Variants in NR3C2 observed in about 807,000 individuals in gnomAD.
The protein encoded by NR3C2 is nuclear receptor subfamily 3 group C member 2.
In NR3C2, 15 loss-of-function variants were observed where a neutral mutation model predicts 86.4. The observed-to-expected ratio is 0.17, with a 90% CI of 0.12 to 0.27. The LOEUF is 0.27. Among genes scored for constraint, NR3C2 ranks in the 10% least tolerant of loss-of-function variants. The pLI is 1.00. For synonymous variants in NR3C2, 458 were observed against 450.5 expected (o/e 1.02, Z -0.21); for missense variants, 960 against 1,195.6 (o/e 0.80, Z 2.91).
intron 2 of NR3C2, among the ~76,000 whole-genome samples, chr4:148,326,875 C>A (rs939930677): frequency 6.6e-6 from 1 of 152,066 alleles, no homozygotes; most frequent in Non-Finnish European, 1.5e-5. Context: ...AAAAATTAAT[C>A]TGCTGTGTAA....
intron 2 of NR3C2, among the ~76,000 whole-genome samples, chr4:148,417,839 T>C (rs770474415): frequency 1.6e-4 from 24 of 152,210 alleles, no homozygotes; most frequent in Non-Finnish European, 3.1e-4. Flanking sequence ...AGATACTATA[T>C]ATTTTGCAAT....
chr4:148,313,672 T>C (rs1450875882), intron 2 of NR3C2, among the ~76,000 whole-genome samples: 1 of 152,182 alleles, frequency 6.6e-6, no homozygotes, highest in African/African-American at 2.4e-5. Flanking sequence ...CTCCATTAAC[T>C]GCTGAATTCT....
chr4:148,201,286 G>A (rs1736707820), intron 3 of NR3C2, among the ~76,000 whole-genome samples: 2 of 152,282 alleles, frequency 1.3e-5, no homozygotes, highest in African/African-American at 4.8e-5. Context: ...GGCACAGGGA[G>A]GGGAGATGGG....
chr4:148,159,401 T>A lies in NR3C2; in HGVS notation c.2015-4500A>T, dbSNP rs979916334. Among the ~76,000 whole-genome samples the A allele has an allele frequency of 4.6e-5, 7 of 152,334 alleles. No homozygotes were observed. In the South Asian group the frequency reaches 1.0e-3, roughly 23 times the overall value. ...TGTAATGACCCACTTGTGGAGTTAT[T>A]ACTCTTAAAATACCGTATCTAAAAT... is the stretch of plus-strand genomic sequence containing the variant. On this transcript the variant is annotated intron_variant, in intron 4 of 8. Coordinates refer to ENST00000358102, the MANE Select transcript of NR3C2 (RefSeq NM_000901.5).
At chr4:148,171,111 G>A (rs61757935) in intron 4 of NR3C2, among the ~76,000 whole-genome samples, 9 of 152,146 alleles carry the variant, frequency 5.9e-5, no homozygotes, top group Admixed American at 6.5e-5. Flanking sequence ...GACAGAACAG[G>A]GCTTCCCCTA....
chr4:148,082,651 C>G (rs189201679), intron 8 of NR3C2, among the ~76,000 whole-genome samples: 1 of 146,794 alleles, frequency 6.8e-6, no homozygotes, highest in Admixed American at 7.0e-5. Flanking sequence ...AGGGCAGACA[C>G]TGAGCTAGCT....
chr4:148,401,699 T>C (rs571578987), intron 2 of NR3C2, among the ~76,000 whole-genome samples: 1 of 152,188 alleles, frequency 6.6e-6, no homozygotes, highest in South Asian at 2.1e-4. Flanking sequence ...CCTGACCTTG[T>C]GATTTGCTCA....
chr4:148,149,349 CTT>C (rs148646466), intron 6 of NR3C2, among the ~76,000 whole-genome samples: 73 of 151,402 alleles, frequency 4.8e-4, no homozygotes, highest in African/African-American at 1.6e-3. Flanking sequence ...ATGACCTTTT[CTT>C]TTTTTTTGTT....
At chr4:148,158,405 G>A (rs1734500968) in intron 4 of NR3C2, among the ~76,000 whole-genome samples, 1 of 152,162 alleles carries the variant, frequency 6.6e-6, no homozygotes, top group Non-Finnish European at 1.5e-5. Context: ...TTGAAAAATG[G>A]GCATGACAAT....
chr4:148,223,830 ATG>A (rs1359917567), intron 3 of NR3C2, among the ~76,000 whole-genome samples: 1 of 152,200 alleles, frequency 6.6e-6, no homozygotes, highest in Non-Finnish European at 1.5e-5. Context: ...ATTAACAGTG[ATG>A]TGAAAGTTGG....
chr4:148,262,443 T>C (rs1314286400), intron 2 of NR3C2, among the ~76,000 whole-genome samples: 2 of 152,154 alleles, frequency 1.3e-5, no homozygotes, highest in Admixed American at 6.5e-5. Context: ...CCACGTGGTA[T>C]CTCCACTTGG....
intron 8 of NR3C2, among the ~76,000 whole-genome samples, chr4:148,102,725 C>T (rs919370085): frequency 1.3e-5 from 2 of 152,226 alleles, no homozygotes; most frequent in Non-Finnish European, 2.9e-5. Flanking sequence ...TCAGACAGCA[C>T]CATTCAGCAC....
At chr4:148,301,349 C>T (rs1000060107) in intron 2 of NR3C2, among the ~76,000 whole-genome samples, 1 of 152,126 alleles carries the variant, frequency 6.6e-6, no homozygotes, top group Admixed American at 6.5e-5. Flanking sequence ...GAAGTAAAAA[C>T]AACCTTAAGA....
intron 3 of NR3C2, among the ~76,000 whole-genome samples, chr4:148,252,793 T>A (rs1371417805): frequency 6.6e-6 from 1 of 152,212 alleles, no homozygotes; most frequent in Admixed American, 6.5e-5. Flanking sequence ...TTCCCTCTCT[T>A]GCTCTAATCT....
At chr4:148,412,333 G>A (rs17024702) in intron 2 of NR3C2, among the ~76,000 whole-genome samples, 2,494 of 152,074 alleles carry the variant, frequency 0.016, 77 homozygotes, top group African/African-American at 0.058. Flanking sequence ...TATTTTCCTG[G>A]GACTGACTTA....
At chr4:148,383,547 T>C (rs1217332992) in intron 2 of NR3C2, among the ~76,000 whole-genome samples, 1 of 152,168 alleles carries the variant, frequency 6.6e-6, no homozygotes, top group Non-Finnish European at 1.5e-5. Context: ...GCTGCTTGAG[T>C]AGGAATTTAC....
At chr4:148,096,479 C>T (rs1469955731) in intron 8 of NR3C2, among the ~76,000 whole-genome samples, 1 of 152,006 alleles carries the variant, frequency 6.6e-6, no homozygotes, top group Non-Finnish European at 1.5e-5. Flanking sequence ...GAACACCAAG[C>T]AATAAGGGGC....
intron 2 of NR3C2, among the ~76,000 whole-genome samples, chr4:148,324,003 C>T (rs1449178301): frequency 6.6e-6 from 1 of 152,186 alleles, no homozygotes; most frequent in East Asian, 1.9e-4. Context: ...TTTCTCACCT[C>T]TGCCCTCTAG....
intron 2 of NR3C2, among the ~76,000 whole-genome samples, chr4:148,398,874 T>G (rs1453384465): frequency 1.3e-5 from 2 of 152,164 alleles, no homozygotes; most frequent in Non-Finnish European, 2.9e-5. Flanking sequence ...TGCATGCGCA[T>G]GTTTGTGTTT....
Sources: gnomAD v4.1 joint callset for allele counts (sites outside exome capture counted in the v4.1 genomes callset) on GRCh38, gnomAD v4.1.1 for gene constraint, MANE v1.5 for transcripts, NCBI Gene and HGNC (gene_info 2026-07-23, HGNC 2026-07-21) for gene names.